Variants in PHACTR1 observed in about 807,000 individuals in gnomAD.
The protein encoded by PHACTR1 is phosphatase and actin regulator 1.
Under a neutral mutation model 69.2 loss-of-function variants are expected in PHACTR1, and 16 were observed. The ratio of observed to expected loss-of-function variants is 0.23; its 90% CI spans 0.16 to 0.35. PHACTR1 has a LOEUF of 0.35. Among genes scored for constraint, PHACTR1 ranks in the 10% least tolerant of loss-of-function variants. The pLI, the probability that PHACTR1 is intolerant of heterozygous loss-of-function variation, is 1.00. For synonymous variants in PHACTR1, 312 were observed against 284.5 expected (o/e 1.10, Z -0.97); for missense variants, 510 against 734.7 (o/e 0.69, Z 3.54).
chr6:12,827,411 T>G (rs1776923196), intron 4 of PHACTR1, among the ~76,000 whole-genome samples: 1 of 152,172 alleles, frequency 6.6e-6, no homozygotes, highest in Non-Finnish European at 1.5e-5. Flanking sequence ...CTCTTAGAGC[T>G]TACACAAAGG....
At chr6:12,733,395 C>A (rs1161087324) in intron 3 of PHACTR1, among the ~76,000 whole-genome samples, 1 of 152,054 alleles carries the variant, frequency 6.6e-6, no homozygotes, top group Non-Finnish European at 1.5e-5. Flanking sequence ...ATATTATTGC[C>A]CCCAATTTAT....
At chr6:13,071,254 C>G (rs1039987936) in intron 5 of PHACTR1, among the ~76,000 whole-genome samples, 1 of 151,956 alleles carries the variant, frequency 6.6e-6, no homozygotes, top group Non-Finnish European at 1.5e-5. Flanking sequence ...TGGTAAAACC[C>G]CATCTCTACT....
In PHACTR1 at chr6:12,866,666, A is replaced by C. The variant is rs80170178; in HGVS notation, c.250+116876A>C. Among the ~76,000 whole-genome samples the C allele has an allele frequency of 1.2e-3, 188 of 152,282 alleles. 1 individual carries two copies. The highest frequency in any genetic ancestry group is 3.6e-3 in the African/African-American group (149 of 41,562). On this transcript the variant is annotated intron_variant, in intron 4 of 14. Coordinates refer to ENST00000332995, the MANE Select transcript of PHACTR1 (RefSeq NM_030948.6). ...TCACAACGTACCATTTATATTCACA[A>C]TGGTTAAGGAGGCTCTGCAGGGTGC... is the stretch of plus-strand genomic sequence containing the variant.
chr6:13,002,540 C>T (rs1419718892), intron 4 of PHACTR1, among the ~76,000 whole-genome samples: 1 of 152,104 alleles, frequency 6.6e-6, no homozygotes, highest in Non-Finnish European at 1.5e-5. Flanking sequence ...AGGAAAAGGC[C>T]AAACTCTTTC....
At chr6:12,972,137 G>A (rs1351311560) in intron 4 of PHACTR1, among the ~76,000 whole-genome samples, 2 of 152,216 alleles carry the variant, frequency 1.3e-5, no homozygotes, top group Non-Finnish European at 2.9e-5. Context: ...ATGTGATATA[G>A]TATAAACAAC....
Position 13,003,345 on chromosome 6 carries a change from A to C in PHACTR1, c.251-50020A>C, listed in dbSNP as rs143201686. 7.7e-3 allele frequency among the ~76,000 whole-genome samples: 1,170 copies of C among 152,226 alleles called. 16 individuals carry two copies. Among genetic ancestry groups the C allele is most frequent in the African/African-American group, 0.027 (1,134 of 41,544 alleles). ...CAAAATTTAATAATTCTGTTTTTTCACCTGCTGACTGCCAAGAAAAATAGC... is the reference window on the plus strand; with the variant it reads ...CAAAATTTAATAATTCTGTTTTTTCCCCTGCTGACTGCCAAGAAAAATAGC... On this transcript the variant is annotated intron_variant, in intron 4 of 14. Transcript: ENST00000332995.
chr6:13,134,763 C>G (rs1821266188), intron 5 of PHACTR1, among the ~76,000 whole-genome samples: 1 of 145,808 alleles, frequency 6.9e-6, no homozygotes. Flanking sequence ...ATCCCCCTCT[C>G]CGAGAAACAC....
At chr6:13,232,864 A>G (rs1032708254) in intron 10 of PHACTR1, among the ~76,000 whole-genome samples, 1 of 152,206 alleles carries the variant, frequency 6.6e-6, no homozygotes, top group Non-Finnish European at 1.5e-5. Flanking sequence ...ATCTTTTATT[A>G]TAGCTCCTTC....
At chr6:12,723,455 A>T (rs1266696886) in intron 3 of PHACTR1, among the ~76,000 whole-genome samples, 2 of 151,990 alleles carry the variant, frequency 1.3e-5, no homozygotes, top group African/African-American at 4.8e-5. Flanking sequence ...TGCACATTAC[A>T]AACACCACCT....
intron 4 of PHACTR1, among the ~76,000 whole-genome samples, chr6:13,019,394 A>G (rs933100366): frequency 5.3e-5 from 8 of 152,350 alleles, no homozygotes; most frequent in Admixed American, 2.6e-4. Context: ...CAAGGACCAG[A>G]CAAGACAAGG....
intron 8 of PHACTR1, among the ~76,000 whole-genome samples, chr6:13,223,991 A>G (rs1769124748): frequency 6.6e-6 from 1 of 152,230 alleles, no homozygotes; most frequent in South Asian, 2.1e-4. Context: ...GAAAATTAAA[A>G]AAAACCCCTT....
At chr6:12,901,495 T>C (rs1785184129) in intron 4 of PHACTR1, among the ~76,000 whole-genome samples, 1 of 151,972 alleles carries the variant, frequency 6.6e-6, no homozygotes, top group African/African-American at 2.4e-5. Flanking sequence ...TTCACGCATT[T>C]TTTGGTTTGT....
At chr6:13,169,756 AC>A (rs1760326253) in intron 6 of PHACTR1, among the ~76,000 whole-genome samples, 3 of 152,350 alleles carry the variant, frequency 2.0e-5, no homozygotes, top group African/African-American at 7.2e-5. Flanking sequence ...TTCTTCAGTT[AC>A]CTGTGAAGCC....
intron 5 of PHACTR1, among the ~76,000 whole-genome samples, chr6:13,133,096 TAGACTCCC>T (rs1820729257): frequency 6.6e-6 from 1 of 151,984 alleles, no homozygotes; most frequent in African/African-American, 2.4e-5. Context: ...TTATCAGAAG[TAGACTCCC>T]ATCTCAAGAA....
At chr6:12,966,583 A>G (rs1793530476) in intron 4 of PHACTR1, among the ~76,000 whole-genome samples, 2 of 152,154 alleles carry the variant, frequency 1.3e-5, no homozygotes, top group Non-Finnish European at 2.9e-5. Flanking sequence ...CATTCTCCTT[A>G]CACCACATAT....
intron 5 of PHACTR1, among the ~76,000 whole-genome samples, chr6:13,127,034 A>G (rs1819640836): frequency 6.6e-6 from 1 of 152,236 alleles, no homozygotes; most frequent in South Asian, 2.1e-4. Flanking sequence ...ACAGAAATGA[A>G]CACTTATATG....
intron 5 of PHACTR1, among the ~76,000 whole-genome samples, chr6:13,131,313 G>C (rs569122590): frequency 6.6e-6 from 1 of 151,810 alleles, no homozygotes; most frequent in South Asian, 2.1e-4. Context: ...GGATGGAGTT[G>C]GAGACCATTA....
intron 4 of PHACTR1, among the ~76,000 whole-genome samples, chr6:12,849,280 C>T (rs769165809): frequency 1.3e-5 from 2 of 152,176 alleles, no homozygotes; most frequent in Non-Finnish European, 2.9e-5. Context: ...AACAATAAAG[C>T]GCTTAGGCTT....
Position 13,021,062 on chromosome 6 carries a change from T to A in PHACTR1, c.251-32303T>A, listed in dbSNP as rs577024497. ...TAATTTAAGGTATGTAATTTAATAG[T>A]GTTTAAGTCATAGAATTGTCATCCA... On this transcript the variant is annotated intron_variant, in intron 4 of 14. Coordinates refer to ENST00000332995, the MANE Select transcript of PHACTR1 (RefSeq NM_030948.6). Among the ~76,000 whole-genome samples the A allele has an allele frequency of 3.3e-5, 5 of 152,324 alleles. No homozygotes were observed. The East Asian group carries it at 5.8e-4, about 18-fold the overall frequency.
Sources: gnomAD v4.1 joint callset for allele counts (sites outside exome capture counted in the v4.1 genomes callset) on GRCh38, gnomAD v4.1.1 for gene constraint, MANE v1.5 for transcripts, NCBI Gene and HGNC (gene_info 2026-07-23, HGNC 2026-07-21) for gene names.